The following APP variants were observed in gnomAD, a reference collection of about 807,000 sequenced individuals.
APP encodes amyloid beta precursor protein.
A neutral mutation model predicts 101.4 loss-of-function variants in APP; 31 were observed. That is an observed-to-expected ratio of 0.31 (90% CI 0.23 to 0.41). APP has a LOEUF of 0.41. APP is among the 10% of genes least tolerant of loss of function. The pLI is 1.00. For missense variants in APP, 839 were observed against 1,003.7 expected, an observed-to-expected ratio of 0.84 and a Z score of 2.22; for synonymous variants, 366 against 364.4, an observed-to-expected ratio of 1.00 and a Z score of -0.05.
intron 14 of APP, among the ~76,000 whole-genome samples, chr21:25,911,174 A>G (rs747070156): frequency 6.6e-6 from 1 of 152,252 alleles, no homozygotes; most frequent in Non-Finnish European, 1.5e-5. Flanking sequence ...AGTCATAAAC[A>G]TAATAATATG....
intron 11 of APP, among the ~76,000 whole-genome samples, chr21:25,957,156 C>T (rs928568657): frequency 6.6e-6 from 1 of 152,154 alleles, no homozygotes; most frequent in African/African-American, 2.4e-5. Flanking sequence ...ATGTGCTTCT[C>T]TATAATCCCC....
At chr21:26,054,255 A>ATTAGTATGCCAC (rs1555858731) in intron 3 of APP, among the ~76,000 whole-genome samples, 1 of 151,936 alleles carries the variant, frequency 6.6e-6, no homozygotes, top group Non-Finnish European at 1.5e-5. Context: ...AATGGTGAGA[A>ATTAGTATGCCAC]GTAGTATGCC....
At chr21:26,124,687 G>A (rs2062644944) in intron 1 of APP, among the ~76,000 whole-genome samples, 1 of 152,224 alleles carries the variant, frequency 6.6e-6, no homozygotes, top group Non-Finnish European at 1.5e-5. Context: ...AAAATACTAT[G>A]AGGAAGAGAT....
chr21:26,088,855 T>C (rs1371239056), intron 3 of APP, among the ~76,000 whole-genome samples: 2 of 152,220 alleles, frequency 1.3e-5, no homozygotes, highest in African/African-American at 4.8e-5. Flanking sequence ...CTTCATCAAT[T>C]ACATTGTAAG....
intron 2 of APP, among the ~76,000 whole-genome samples, chr21:26,105,060 AT>A (rs2062150179): frequency 9.4e-6 from 1 of 106,734 alleles, no homozygotes. Context: ...GTTTCCACGC[AT>A]TTTTTTCAAA....
intron 3 of APP, among the ~76,000 whole-genome samples, chr21:26,084,227 A>ATTTTTTTTTTTT (rs869179482): frequency 2.4e-5 from 2 of 83,064 alleles, no homozygotes; most frequent in African/African-American, 5.0e-5. Flanking sequence ...GAAGGGCTCC[A>ATTTTTTTTTTTT]TTTTTTTTTT....
At chr21:26,169,446 C>T (rs923700689) in intron 1 of APP, 2 of 152,590 alleles carry the variant, frequency 1.3e-5, no homozygotes, top group African/African-American at 4.8e-5. Flanking sequence ...AGACAAACGC[C>T]TCCTTGGATG....
At chr21:26,077,775 G>GAAAAAA (rs796489181) in intron 3 of APP, among the ~76,000 whole-genome samples, 5 of 86,946 alleles carry the variant, frequency 5.8e-5, no homozygotes, top group Non-Finnish European at 4.7e-5. Context: ...ACAGGAGAAG[G>GAAAAAA]AAAAAAAAAA....
intron 3 of APP, among the ~76,000 whole-genome samples, chr21:26,069,500 G>T (rs961708850): frequency 7.9e-5 from 12 of 152,102 alleles, no homozygotes; most frequent in African/African-American, 2.9e-4. Flanking sequence ...TGCCAGCCTG[G>T]TCTAGGACCC....
chr21:26,066,236 A>G (rs529375992), intron 3 of APP, among the ~76,000 whole-genome samples: 1 of 152,344 alleles, frequency 6.6e-6, no homozygotes, highest in South Asian at 2.1e-4. Context: ...TCCTTCCGGC[A>G]GTAAGGGTCT....
chr21:25,979,981 T>C (rs2042367163), intron 9 of APP, among the ~76,000 whole-genome samples: 1 of 152,212 alleles, frequency 6.6e-6, no homozygotes, highest in Non-Finnish European at 1.5e-5. Flanking sequence ...GAGCAATGAC[T>C]GCCTGTCTCA....
intron 1 of APP, among the ~76,000 whole-genome samples, chr21:26,160,896 G>A (rs1435109801): frequency 1.3e-5 from 2 of 152,056 alleles, no homozygotes; most frequent in African/African-American, 4.8e-5. Flanking sequence ...GCAAATGACT[G>A]AACGTGATGT....
At chr21:25,987,548 T>C (rs942220941) in intron 8 of APP, among the ~76,000 whole-genome samples, 4 of 152,226 alleles carry the variant, frequency 2.6e-5, no homozygotes, top group Admixed American at 6.5e-5. Context: ...ATAGTGATCA[T>C]GTGTATCTAA....
chr21:26,109,363 G>C (rs903429714), intron 2 of APP, among the ~76,000 whole-genome samples: 3 of 152,220 alleles, frequency 2.0e-5, no homozygotes. Context: ...TCCCGTGACA[G>C]TGTTCTCATG....
At chr21:26,163,904 T>C (rs1255367832) in intron 1 of APP, among the ~76,000 whole-genome samples, 1 of 152,252 alleles carries the variant, frequency 6.6e-6, no homozygotes, top group Non-Finnish European at 1.5e-5. Context: ...AGCAGATCAC[T>C]ATAAAGTTTT....
chr21:26,091,790 G>C (rs2061831982), intron 2 of APP, among the ~76,000 whole-genome samples: 1 of 151,752 alleles, frequency 6.6e-6, no homozygotes, highest in South Asian at 2.1e-4. Context: ...GAAATGAAGA[G>C]GAAAAGAGGA....
At chr21:26,149,702 G>A (rs1314419600) in intron 1 of APP, among the ~76,000 whole-genome samples, 1 of 152,188 alleles carries the variant, frequency 6.6e-6, no homozygotes, top group Admixed American at 6.5e-5. Context: ...TTGGAGTACA[G>A]AATGTCTTTC....
chr21:26,150,011 T>C (rs2063231695), intron 1 of APP, among the ~76,000 whole-genome samples: 1 of 152,200 alleles, frequency 6.6e-6, no homozygotes, highest in Non-Finnish European at 1.5e-5. Flanking sequence ...GTTCAGCACA[T>C]GAGGCCTTGC....
chr21:26,029,649 T>C (rs1242963703), intron 5 of APP, among the ~76,000 whole-genome samples: 1 of 152,104 alleles, frequency 6.6e-6, no homozygotes, highest in East Asian at 1.9e-4. Context: ...GGGAATTGGC[T>C]GACAAGAACA....
Sources: allele counts gnomAD v4.1 joint callset (sites outside exome capture counted in the v4.1 genomes callset), GRCh38; gene constraint gnomAD v4.1.1; transcripts MANE v1.5; gene names NCBI Gene and HGNC (gene_info 2026-07-23, HGNC 2026-07-21).